MYL6: variants seen among roughly 807,000 people sequenced by gnomAD.
MYL6 encodes myosin light chain 6.
A neutral mutation model predicts 20.3 loss-of-function variants in MYL6; 20 were observed. The ratio of observed to expected loss-of-function variants is 0.98; its 90% CI spans 0.69 to 1.43. MYL6 has a LOEUF of 1.43. Ranked by LOEUF, MYL6 falls within the 40% of genes most tolerant of loss-of-function variation. The probability of loss-of-function intolerance (pLI) is 0.00; values close to 1 mark genes in which losing one functional copy is unlikely to be tolerated. For missense variants in MYL6, 164 were observed against 191.0 expected, an observed-to-expected ratio of 0.86 and a Z score of 0.83; for synonymous variants, 77 against 72.4, an observed-to-expected ratio of 1.06 and a Z score of -0.32.
At chr12:56,160,848 T>C (rs1035989371) in intron 6 of MYL6, 178 bp downstream of exon 6, 19 of 673,380 alleles carry the variant, frequency 2.8e-5, no homozygotes, top group African/African-American at 2.7e-4. Flanking sequence ...AACCTGGGGG[T>C]ACAGTACCTC....
Position 56,159,743 on chromosome 12 carries a change from A to T in MYL6, c.175+13A>T, listed in dbSNP as rs773247920. The T allele has an allele frequency of 1.2e-6, 2 of 1,612,496 alleles. No homozygotes were observed. The highest frequency in any genetic ancestry group is 1.7e-6 in the Non-Finnish European group (2 of 1,179,198). ...CCCAAGAGTGATGGTGAGGGGCCTA[A>T]AGAACAACTCCTCAGTGTGGTCATG... On this transcript the variant is annotated intron_variant, in intron 3 of 6. Transcript: ENST00000550697.
intron 2 of MYL6, 106 bp from the exon 3 acceptor site, chr12:56,159,481 A>T: frequency 6.9e-7 from 1 of 1,440,496 alleles, no homozygotes; most frequent in Non-Finnish European, 9.5e-7. Flanking sequence ...TTTGGTGCAG[A>T]TATCTCGTTT....
At chr12:56,158,636 C>A in intron 1 of MYL6, 48 bp from the exon 2 acceptor site, 1 of 1,614,014 alleles carries the variant, frequency 6.2e-7, no homozygotes, top group Non-Finnish European at 8.5e-7. Flanking sequence ...GATAGAAACT[C>A]GGGGGATTGG....
At chr12:56,160,440 AG>A in intron 5 of MYL6, 120 bp downstream of exon 5, 1 of 1,491,534 alleles carries the variant, frequency 6.7e-7, no homozygotes, top group South Asian at 1.1e-5. Flanking sequence ...GGCAAGGTGC[AG>A]GGCCCTGCCC....
chr12:56,160,460 CCAGGA>C, intron 5 of MYL6, 140 bp downstream of exon 5: 1 of 1,444,366 alleles, frequency 6.9e-7, no homozygotes, highest in Non-Finnish European at 9.7e-7. Flanking sequence ...CCAGCCCAGC[CCAGGA>C]GTGGGAGGTC....
In MYL6 at chr12:56,160,604, G is replaced by C. The variant is rs554483216; in HGVS notation, c.428-22G>C. The C allele has an allele frequency of 9.9e-6, 16 of 1,614,182 alleles. No individual in the cohort carries two copies. The African/African-American group carries it at 1.7e-4, about 17-fold the overall frequency. ...CATGTCTTTGTCTTGTCTTCACCAT[G>C]AATGTCTCTTCCTTCCTGCAGCGTT... is the stretch of plus-strand genomic sequence containing the variant. On this transcript the variant is annotated intron_variant, in intron 5 of 6. Coordinates refer to ENST00000550697, the MANE Select transcript of MYL6 (RefSeq NM_021019.5).
Position 56,159,584 on chromosome 12 carries a change from C to G in MYL6, c.32-3C>G. On this transcript the variant is annotated splice_polypyrimidine_tract_variant and splice_region_variant and intron_variant, in intron 2 of 6. Coordinates refer to ENST00000550697, the MANE Select transcript of MYL6 (RefSeq NM_021019.5). ...CTGTGTTGACATTCATCTGAATCCT[C>G]AGAGTTCAAGGAGGCCTTCCAGCTG... The G allele has an allele frequency of 6.2e-7, 1 of 1,612,746 alleles. No homozygotes were observed. Among genetic ancestry groups the G allele is most frequent in the East Asian group, 2.2e-5 (1 of 44,878 alleles).
At chr12:56,160,468 G>A in intron 5 of MYL6, 148 bp downstream of exon 5, 1 of 1,413,772 alleles carries the variant, frequency 7.1e-7, no homozygotes, top group Non-Finnish European at 1.0e-6. Context: ...GCCCAGGAGT[G>A]GGAGGTCAGG....
Position 56,161,547 on chromosome 12 carries a change from C to T in MYL6, c.*177C>T. ...TCTCTTGGATGATGTTTGCCGTCAG[C>T]ATTCACCAAATAAACTTGCTCTCTG... On this transcript the variant is annotated 3_prime_UTR_variant, in exon 7 of 7. Coordinates refer to ENST00000550697, the MANE Select transcript of MYL6 (RefSeq NM_021019.5). 2 of 1,167,362 alleles carry T rather than the reference C, an allele frequency of 1.7e-6. No individual in the cohort carries two copies. Among genetic ancestry groups the T allele is most frequent in the Non-Finnish European group, 2.6e-6 (2 of 782,652 alleles). The allele number at this position is 1,167,362 out of a possible 1,614,324, so 72.3% of individuals were successfully genotyped here.
chr12:56,160,297 G>C lies in MYL6; in HGVS notation c.404G>C (p.Ser135Thr). 1 of 1,614,226 alleles carries C rather than the reference G, an allele frequency of 6.2e-7. No homozygotes were observed. The change falls in exon 5 of 7, where the codon AGC (serine) becomes ACC (threonine). Residue 135 changes from serine to threonine, a missense_variant. Transcript: ENST00000550697. Reference sequence around the variant, plus strand: ...ATGCTGGTGGCAGGGCATGAGGACAGCAATGGTTGTATCAACTATGAAGGT... The same window carrying C: ...ATGCTGGTGGCAGGGCATGAGGACACCAATGGTTGTATCAACTATGAAGGT... ...VEMLVAGHED[S>T]NGCINYEAFV...
intron 1 of MYL6, 90 bp from the exon 2 acceptor site, chr12:56,158,594 C>CAA (rs774309436): frequency 7.5e-6 from 12 of 1,593,964 alleles, no homozygotes; most frequent in Non-Finnish European, 8.5e-7. Context: ...GTTTGTGGGT[C>CAA]AGAGTTTGTG....
Position 56,160,287 on chromosome 12 carries a change from C to T in MYL6, c.394C>T (p.His132Tyr). Residue 132 changes from histidine to tyrosine, a missense_variant, in exon 5 of 7, where the codon CAT (histidine) becomes TAT (tyrosine). Transcript: ENST00000550697. ...EEEVEMLVAG[H>Y]EDSNGCINYE... The stretch of plus-strand genomic sequence containing the variant: ...AGAAGTAGAGATGCTGGTGGCAGGG[C>T]ATGAGGACAGCAATGGTTGTATCAA... The T allele has an allele frequency of 6.2e-7, 1 of 1,614,206 alleles. No individual in the cohort carries two copies. The highest frequency in any genetic ancestry group is 2.2e-5 in the East Asian group (1 of 44,884).
In MYL6 at chr12:56,159,966, T is replaced by C; in HGVS notation, c.176-9T>C. On this transcript the variant is annotated splice_polypyrimidine_tract_variant and intron_variant, in intron 3 of 6. Transcript: ENST00000550697. ...CTCTGGCCTGACACTTCCACCTCCT[T>C]TATGGCAGAGATGAATGTGAAGGTG... The C allele has an allele frequency of 6.2e-7, 1 of 1,608,672 alleles. No individual in the cohort carries two copies. The highest frequency in any genetic ancestry group is 8.5e-7 in the Non-Finnish European group (1 of 1,177,328).
intron 1 of MYL6, 25 bp downstream of exon 1, chr12:56,158,429 G>C: frequency 6.5e-7 from 1 of 1,539,452 alleles, no homozygotes; most frequent in Non-Finnish European, 8.7e-7. Flanking sequence ...TTGGGAGACG[G>C]GCAGGATTGG....
In MYL6 at chr12:56,161,500, T is replaced by C. The variant is rs1326351135; in HGVS notation, c.*130T>C. 1.4e-5 allele frequency: 21 copies of C among 1,491,832 alleles called. No individual in the cohort carries two copies. The East Asian group carries it at 4.5e-4, about 32-fold the overall frequency. 92.4% of individuals were successfully genotyped at this position (1,491,832 alleles called of 1,614,324 possible). ...TAAAGTTTCCCTAGGCTTTCTTGTC[T>C]CAGCAACTTTCCCATCTTGTCTCTC... On this transcript the variant is annotated 3_prime_UTR_variant, in exon 7 of 7. Coordinates refer to ENST00000550697, the MANE Select transcript of MYL6 (RefSeq NM_021019.5).
At chr12:56,159,462 G>C in intron 2 of MYL6, 125 bp from the exon 3 acceptor site, 1 of 1,274,054 alleles carries the variant, frequency 7.8e-7, no homozygotes, top group Non-Finnish European at 1.1e-6. Context: ...AGTAGACTTT[G>C]GTGTACAGTT....
In MYL6 at chr12:56,158,385, A is replaced by G. The variant is rs1592258972; in HGVS notation, c.-17A>G. 6.6e-7 allele frequency: 1 copy of G among 1,519,970 alleles called. No individual in the cohort carries two copies. The highest frequency in any genetic ancestry group is 8.8e-7 in the Non-Finnish European group (1 of 1,137,026). The allele number at this position is 1,519,970 out of a possible 1,614,324, so 94.2% of individuals were successfully genotyped here. A position where few individuals can be genotyped will look rare whatever the true frequency, so the allele number is the denominator to read the frequency against. ...CCATTACTGCAGGAAAAGGTCCCGGAGAGCTGAGCAGTCAAGATGGTGGGG... is the reference window on the plus strand; with the variant it reads ...CCATTACTGCAGGAAAAGGTCCCGGGGAGCTGAGCAGTCAAGATGGTGGGG... On this transcript the variant is annotated 5_prime_UTR_variant, in exon 1 of 7. Transcript: ENST00000550697.
intron 2 of MYL6, 188 bp downstream of exon 2, chr12:56,158,899 T>C (rs180976269): frequency 4.9e-6 from 7 of 1,439,414 alleles, no homozygotes; most frequent in East Asian, 2.5e-5. Context: ...CCTTCCACTC[T>C]AGATCTGATC....
chr12:56,158,461 G>A (rs1592259128), intron 1 of MYL6, 57 bp downstream of exon 1: 2 of 1,556,424 alleles, frequency 1.3e-6, no homozygotes, highest in Non-Finnish European at 1.7e-6. Context: ...AGGAAGAGAC[G>A]GGTGGGGGGC....
Sources: allele counts gnomAD v4.1 joint callset, GRCh38; gene constraint gnomAD v4.1.1; transcripts MANE v1.5; gene names NCBI Gene and HGNC (gene_info 2026-07-23, HGNC 2026-07-21).